The following ITIH6 variants were observed in gnomAD, a reference collection of about 807,000 sequenced individuals.
ITIH6 encodes the protein inter-alpha-trypsin inhibitor heavy chain family member 6.
Under a neutral mutation model 58.2 loss-of-function variants are expected in ITIH6, and 60 were observed. The ratio of observed to expected loss-of-function variants is 1.03; its 90% confidence interval spans 0.84 to 1.28. The LOEUF is 1.28. ITIH6 is among the 50% of genes most tolerant of loss of function. The pLI, the probability that ITIH6 is intolerant of heterozygous loss-of-function variation, is 0.00. For synonymous variants in ITIH6, 493 were observed against 417.4 expected (o/e 1.18, Z -2.21); for missense variants, 1,290 against 1,021.1 (o/e 1.26, Z -3.59).
rs753015852 is a variant in ITIH6, at chrX:54,758,692, T to G, written c.1382A>C (p.Gln461Pro). The G allele has an allele frequency of 7.1e-5, 86 of 1,209,774 alleles. 1 individual carries two copies. The highest frequency in any genetic ancestry group is 9.0e-5 in the Non-Finnish European group (81 of 895,118). Residue 461 changes from glutamine (Q) to proline (P), a missense_variant, in exon 8 of 13, where the codon CAG (glutamine) becomes CCG (proline). Coordinates refer to ENST00000218436, the MANE Select transcript of ITIH6 (RefSeq NM_198510.3). Reference protein sequence around the residue: ...RIYEDTDAALQLKGLYEEISM... With the variant: ...RIYEDTDAALPLKGLYEEISM... The stretch of plus-strand genomic sequence containing the variant: ...GATCTCCTCATAGAGGCCCTTCAGC[T>G]GTAGGGCCGCATCAGTGTCCTCATA...
At chrX:54,753,303 GGCTGCTATCAT>G (rs1928408668) in intron 11 of ITIH6, among the ~76,000 whole-genome samples, 1 of 112,706 alleles carries the variant, frequency 8.9e-6, no homozygotes, top group Admixed American at 9.4e-5. Flanking sequence ...TGGACTAAAT[GGCTGCTATCAT>G]TGCTTATCTT....
At chrX:54,796,808 C>T (rs1929451095) in intron 2 of ITIH6, 134 bp downstream of exon 2, 1 of 588,286 alleles carries the variant, frequency 1.7e-6, no homozygotes, top group Non-Finnish European at 2.5e-6. Context: ...ACTGGCAGAG[C>T]CAGGATTCAG....
Position 54,762,128 on chromosome X carries a change from T to C in ITIH6, c.904-2201A>G, listed in dbSNP as rs553717803. 6.0e-4 allele frequency among the ~76,000 whole-genome samples: 67 copies of C among 112,011 alleles called. 1 individual carries two copies. The highest frequency in any genetic ancestry group is 2.1e-3 in the African/African-American group (64 of 30,845). ...TTTTATTTCATTGAACAGTGGTTTG[T>C]AGTTCTCCTTGAAGAAGTCCTTCAC... On this transcript the variant is annotated intron_variant, in intron 6 of 12. Coordinates refer to ENST00000218436, the MANE Select transcript of ITIH6 (RefSeq NM_198510.3).
chrX:54,763,769 T>C lies in ITIH6; in HGVS notation c.904-3842A>G, dbSNP rs190276244. Among the ~76,000 whole-genome samples, 76 of 112,361 alleles carry C rather than the reference T, an allele frequency of 6.8e-4. No homozygotes were observed. In the East Asian group the frequency reaches 0.02, roughly 29 times the overall value. On this transcript the variant is annotated intron_variant, in intron 6 of 12. Transcript: ENST00000218436. Reference sequence around the variant, plus strand: ...CTGTCAATTACTGATAAAGCGATGATGAAGTCTCTAATTATAATAGTGGAT... The same window carrying C: ...CTGTCAATTACTGATAAAGCGATGACGAAGTCTCTAATTATAATAGTGGAT...
chrX:54,752,811 T>C (rs745516236), intron 11 of ITIH6, among the ~76,000 whole-genome samples: 19 of 112,118 alleles, frequency 1.7e-4, no homozygotes, highest in Non-Finnish European at 3.2e-4. Context: ...AGTATGATCC[T>C]GGAGACAAAA....
Position 54,758,701 on chromosome X carries a change from G to A in ITIH6, c.1373C>T (p.Ala458Val), listed in dbSNP as rs200557934. 1.8e-5 allele frequency: 22 copies of A among 1,209,476 alleles called. No individual in the cohort carries two copies. The East Asian group carries it at 2.7e-4, about 15-fold the overall frequency. Residue 458 changes from alanine to valine, a missense_variant, in exon 8 of 13, where the codon GCG becomes GTG. Ala to Val is a moderately conservative substitution (Grantham distance 64, BLOSUM62 0). Coordinates refer to ENST00000218436, the MANE Select transcript of ITIH6 (RefSeq NM_198510.3). ...IARRIYEDTD[A>V]ALQLKGLYEE... ...ATAGAGGCCCTTCAGCTGTAGGGCC[G>A]CATCAGTGTCCTCATATATGCGCCG...
chrX:54,756,149 T>G (rs1220643118), intron 8 of ITIH6, among the ~76,000 whole-genome samples: 1 of 111,271 alleles, frequency 9.0e-6, no homozygotes, highest in Non-Finnish European at 1.9e-5. Flanking sequence ...GAGAGGCATG[T>G]AGAGGATGTC....
intron 5 of ITIH6, among the ~76,000 whole-genome samples, chrX:54,779,507 T>C (rs1929111582): frequency 9.0e-6 from 1 of 110,934 alleles, no homozygotes. Flanking sequence ...TTTACAGGCC[T>C]CATGGTAACC....
intron 6 of ITIH6, among the ~76,000 whole-genome samples, chrX:54,771,337 A>G (rs1367567325): frequency 9.0e-6 from 1 of 111,588 alleles, no homozygotes; most frequent in Non-Finnish European, 1.9e-5. Flanking sequence ...AACACTTTTA[A>G]AATTGTTCCA....
rs768142887 is a variant in ITIH6 at position 54,749,865 on chromosome X, A to T, written c.*30T>A. 1 of 1,161,736 alleles carries T rather than the reference A, an allele frequency of 8.6e-7. No individual in the cohort carries two copies. Among genetic ancestry groups the T allele is most frequent in the African/African-American group, 1.8e-5 (1 of 56,044 alleles). On this transcript the variant is annotated 3_prime_UTR_variant, in exon 13 of 13. Coordinates refer to ENST00000218436, the MANE Select transcript of ITIH6 (RefSeq NM_198510.3). Reference sequence around the variant, plus strand: ...CCTGGTTTCTGGATCTCCCAAATTCAGGTCTCCTGGCTCTGGAATTCAGAA... The same window carrying T: ...CCTGGTTTCTGGATCTCCCAAATTCTGGTCTCCTGGCTCTGGAATTCAGAA...
intron 6 of ITIH6, among the ~76,000 whole-genome samples, chrX:54,772,779 T>C (rs1436952899): frequency 8.9e-6 from 1 of 112,087 alleles, no homozygotes; most frequent in African/African-American, 3.2e-5. Context: ...AGGCTAAAAC[T>C]ACTATTTTTT....
At position 54,798,059 on chromosome X, in the gene ITIH6, C is replaced by A. The variant is rs749478399; in HGVS notation, c.102+50G>T. On this transcript the variant is annotated intron_variant, in intron 1 of 12. Coordinates refer to ENST00000218436, the MANE Select transcript of ITIH6 (RefSeq NM_198510.3). ...ACCTTCCCAAATTTCCCCCAAGAAGCTAATTTTATCACAAATCCCCAAGCT... is the reference window on the plus strand; with the variant it reads ...ACCTTCCCAAATTTCCCCCAAGAAGATAATTTTATCACAAATCCCCAAGCT... 10 of 888,755 alleles carry A rather than the reference C, an allele frequency of 1.1e-5. No individual in the cohort carries two copies. The South Asian group carries it at 1.1e-4, about 10-fold the overall frequency. 73.2% of individuals were successfully genotyped at this position (888,755 alleles called of 1,213,427 possible). A position where few individuals can be genotyped will look rare whatever the true frequency, so the allele number is the denominator to read the frequency against.
At position 54,758,886 on chromosome X, in the gene ITIH6, C is replaced by A. The variant is rs148017341; in HGVS notation, c.1188G>T (p.Thr396=). The A allele has an allele frequency of 4.1e-6, 5 of 1,211,018 alleles. No homozygotes were observed. Among genetic ancestry groups the A allele is most frequent in the Non-Finnish European group, 4.5e-6 (4 of 895,144 alleles). The stretch of plus-strand genomic sequence containing the variant: ...TCACGCCGGCCGTGGGCTCCCCATC[C>A]GTCAGGAAGATGATAAGAGGGATCC... ...VGRIPLIIFL[T]DGEPTAGVTT... The change falls in exon 8 of 13, where the codon ACG becomes ACT. Residue 396 remains threonine (T), a synonymous_variant. Coordinates refer to ENST00000218436, the MANE Select transcript of ITIH6 (RefSeq NM_198510.3).
At chrX:54,788,798 T>C in intron 4 of ITIH6, 149 bp from the exon 5 acceptor site, 1 of 468,792 alleles carries the variant, frequency 2.1e-6, no homozygotes, top group Admixed American at 3.3e-5. Context: ...CCTACATCTT[T>C]CCACCTGCCC....
intron 5 of ITIH6, among the ~76,000 whole-genome samples, chrX:54,786,217 A>G (rs1929241297): frequency 9.0e-6 from 1 of 111,350 alleles, no homozygotes; most frequent in African/African-American, 3.3e-5. Flanking sequence ...CCCACAGCCA[A>G]TCAGCCTCCT....
chrX:54,757,303 C>G lies in ITIH6; in HGVS notation c.2771G>C (p.Gly924Ala). The G allele has an allele frequency of 8.4e-7, 1 of 1,195,725 alleles. No homozygotes were observed. The highest frequency in any genetic ancestry group is 1.1e-6 in the Non-Finnish European group (1 of 887,306). ...AGTAAAGGGCATGGGGAGGGGTTCT[C>G]CAAGGACAGAGGTGGTTGTGGTACT... ...PSSTTTTSVL[G>A]EPLPMPFTPT... is the part of the protein sequence containing the mutation. Residue 924 changes from glycine to alanine, a missense_variant, in exon 8 of 13, where the codon GGA becomes GCA. Gly to Ala is a moderately conservative substitution (Grantham distance 60). Coordinates refer to ENST00000218436, the MANE Select transcript of ITIH6 (RefSeq NM_198510.3).
In ITIH6 at chrX:54,749,218, C is replaced by T. The variant is rs1386653926; in HGVS notation, c.*677G>A. ...TACTAAGCACCTATTATGTGAGAGGCACTGGGGATACATAGATGATTCAGA... is the reference window on the plus strand; with the variant it reads ...TACTAAGCACCTATTATGTGAGAGGTACTGGGGATACATAGATGATTCAGA... On this transcript the variant is annotated 3_prime_UTR_variant, in exon 13 of 13. Coordinates refer to ENST00000218436, the MANE Select transcript of ITIH6 (RefSeq NM_198510.3). 2 of 111,688 alleles carry T rather than the reference C, an allele frequency of 1.8e-5. No homozygotes were observed. Among genetic ancestry groups the T allele is most frequent in the Non-Finnish European group, 3.8e-5 (2 of 53,195 alleles). The allele number at this position is 111,688 out of a possible 1,213,427, so 9.2% of individuals were successfully genotyped here.
Position 54,757,946 on chromosome X carries a change from G to A in ITIH6, c.2128C>T (p.Gln710Ter), listed in dbSNP as rs374943764. The change falls in exon 8 of 13, where the codon CAA becomes TAA. Residue 710 changes from glutamine (Q) to a stop codon, truncating the protein, a stop_gained. Coordinates refer to ENST00000218436, the MANE Select transcript of ITIH6 (RefSeq NM_198510.3). LOFTEE classifies it high-confidence loss of function. Reference sequence around the variant, plus strand: ...TGGGCCAAGGTGCCAGAATCCTGTTGTGCTGGAATTTTGGCCTTTGGGTAT... The same window carrying A: ...TGGGCCAAGGTGCCAGAATCCTGTTATGCTGGAATTTTGGCCTTTGGGTAT... ...PTYPKAKIPA[Q>*]QDSGTLAQPT... 4.3e-5 allele frequency: 52 copies of A among 1,210,067 alleles called. No individual in the cohort carries two copies. The African/African-American group carries it at 7.9e-4, about 18-fold the overall frequency.
At chrX:54,754,991 C>T in intron 9 of ITIH6, 26 bp downstream of exon 9, 1 of 1,134,566 alleles carries the variant, frequency 8.8e-7, no homozygotes, top group Non-Finnish European at 1.2e-6. Context: ...CCCAGGGGAT[C>T]TTTGTCAGGA....
Sources: gnomAD v4.1 joint callset for allele counts (sites outside exome capture counted in the v4.1 genomes callset) on GRCh38, gnomAD v4.1.1 for gene constraint, MANE v1.5 for transcripts, NCBI Gene and HGNC (gene_info 2026-07-23, HGNC 2026-07-21) for gene names.